TTLL11: variants seen among roughly 807,000 people sequenced by gnomAD.
The protein encoded by TTLL11 is tubulin tyrosine ligase like 11.
TTLL11 carries 42 observed loss-of-function variants against 51.7 expected under a neutral mutation model. The ratio of observed to expected loss-of-function variants is 0.81; its 90% CI spans 0.64 to 1.05. The LOEUF (loss-of-function observed/expected upper bound fraction) is 1.05, where lower values mean the gene tolerates loss of function less well. Ranked by LOEUF, TTLL11 falls within the 50% of genes least tolerant of loss-of-function variation. TTLL11 has a pLI of 0.00. For missense variants in TTLL11, 799 were observed against 940.4 expected (o/e 0.85, Z 1.97); for synonymous variants, 381 against 383.5 (o/e 0.99, Z 0.08).
intron 7 of TTLL11, among the ~76,000 whole-genome samples, chr9:121,867,259 T>A (rs1005601422): frequency 6.6e-6 from 1 of 152,210 alleles, no homozygotes; most frequent in Non-Finnish European, 1.5e-5. Context: ...AGATGTGTAT[T>A]GAGATTTTAC....
chr9:121,881,219 AAC>A, intron 6 of TTLL11, among the ~76,000 whole-genome samples: 1 of 152,254 alleles, frequency 6.6e-6, no homozygotes, highest in Admixed American at 6.5e-5. Context: ...GCCTATCTGC[AAC>A]ACAAAGCATT....
intron 6 of TTLL11, among the ~76,000 whole-genome samples, chr9:121,883,085 G>A (rs1378290328): frequency 6.6e-6 from 1 of 152,188 alleles, no homozygotes; most frequent in Non-Finnish European, 1.5e-5. Flanking sequence ...AAAATGGGCA[G>A]GGTGACCTTT....
In TTLL11 at chr9:122,035,031, A is replaced by T. The variant is rs150774668; in HGVS notation, c.560-3175T>A. Among the ~76,000 whole-genome samples, 6 of 152,370 alleles carry T rather than the reference A, an allele frequency of 3.9e-5. No individual in the cohort carries two copies. The East Asian group carries it at 1.2e-3, about 29-fold the overall frequency. On this transcript the variant is annotated intron_variant, in intron 2 of 8. Transcript: ENST00000321582. ...ATTTTTCCGGTGTTCTATTGCTTGT[A>T]TCCAAATGTTGGTGACCTTATCTTT...
intron 7 of TTLL11, among the ~76,000 whole-genome samples, chr9:121,870,156 G>A (rs902764823): frequency 6.6e-6 from 1 of 152,180 alleles, no homozygotes; most frequent in Admixed American, 6.5e-5. Context: ...ACACAGCCAT[G>A]CACCACTGGG....
chr9:121,874,905 T>C (rs888148506), intron 6 of TTLL11, among the ~76,000 whole-genome samples: 11 of 152,034 alleles, frequency 7.2e-5, no homozygotes, highest in Non-Finnish European at 1.3e-4. Context: ...TACAGGCGTG[T>C]GCCACTATGT....
At chr9:121,921,950 C>T (rs1471772577) in intron 6 of TTLL11, among the ~76,000 whole-genome samples, 1 of 152,214 alleles carries the variant, frequency 6.6e-6, no homozygotes, top group Non-Finnish European at 1.5e-5. Context: ...GGAAGCCTGA[C>T]ACAGTCACAG....
At chr9:122,001,748 C>A (rs530370425) in intron 3 of TTLL11, among the ~76,000 whole-genome samples, 7 of 152,094 alleles carry the variant, frequency 4.6e-5, no homozygotes, top group Non-Finnish European at 4.4e-5. Context: ...AAACACCCAC[C>A]CAGCCACTCA....
chr9:122,012,358 T>C lies in TTLL11; in HGVS notation c.693+19365A>G, dbSNP rs185968462. ...TTCCTTTGGGGAAGCAAGGTTTTCT[T>C]GACCTTTAAAATAGACTGTCCCAGA... On this transcript the variant is annotated intron_variant, in intron 3 of 8. Coordinates refer to ENST00000321582, the MANE Select transcript of TTLL11 (RefSeq NM_001139442.2). Among the ~76,000 whole-genome samples, 10 of 152,198 alleles carry C rather than the reference T, an allele frequency of 6.6e-5. No individual in the cohort carries two copies. The East Asian group carries it at 1.9e-3, about 29-fold the overall frequency.
rs1429561460 is a variant in TTLL11, at chr9:121,818,547, A to G, written c.*4040T>C. On this transcript the variant is annotated 3_prime_UTR_variant, in exon 9 of 9. Transcript: ENST00000321582. ...GGAACGCACAGCTGGGTGGGAACCAATGCTGTGGTCCCACAGTGCGCGCGA... is the reference window on the plus strand; with the variant it reads ...GGAACGCACAGCTGGGTGGGAACCAGTGCTGTGGTCCCACAGTGCGCGCGA... 2 of 152,282 alleles carry G rather than the reference A, an allele frequency of 1.3e-5. No homozygotes were observed. The highest frequency in any genetic ancestry group is 4.8e-5 in the African/African-American group (2 of 41,454). The allele number at this position is 152,282 out of a possible 1,614,324, so 9.4% of individuals were successfully genotyped here. A position where few individuals can be genotyped will look rare whatever the true frequency, so the allele number is the denominator to read the frequency against.
At chr9:122,089,995 T>G (rs1223505884) in intron 1 of TTLL11, among the ~76,000 whole-genome samples, 1 of 151,484 alleles carries the variant, frequency 6.6e-6, no homozygotes, top group East Asian at 1.9e-4. Context: ...TCTCCACCTA[T>G]ATGCCAATGT....
chr9:121,981,866 C>T (rs367922570), intron 4 of TTLL11, among the ~76,000 whole-genome samples: 16 of 152,238 alleles, frequency 1.1e-4, no homozygotes, highest in East Asian at 5.8e-4. Context: ...TCACTCTGTT[C>T]GGGGCTCAAA....
chr9:121,964,977 C>T (rs1287995061), intron 6 of TTLL11, among the ~76,000 whole-genome samples: 1 of 152,090 alleles, frequency 6.6e-6, no homozygotes, highest in Admixed American at 6.5e-5. Context: ...TACTGGCTGG[C>T]GATCTAATTC....
chr9:121,844,783 T>C (rs28636517), intron 8 of TTLL11, among the ~76,000 whole-genome samples: 19,780 of 151,696 alleles, frequency 0.13, 2,505 homozygotes, highest in African/African-American at 0.33. Context: ...ATCAGTGAGC[T>C]TGAAGATATG....
intron 8 of TTLL11, among the ~76,000 whole-genome samples, chr9:121,826,184 C>CCATATATATATATATATATATATA (rs1491277758): frequency 3.9e-5 from 2 of 51,134 alleles, no homozygotes; most frequent in African/African-American, 1.7e-4. Flanking sequence ...AACCAGTAAC[C>CCATATATATATATATATATATATA]TATATATATA....
intron 2 of TTLL11, among the ~76,000 whole-genome samples, chr9:122,033,262 A>C (rs1844606000): frequency 6.6e-6 from 1 of 151,964 alleles, no homozygotes. Context: ...ACAGGTGTGC[A>C]CCACCATGCC....
chr9:121,886,911 C>T (rs936354748), intron 6 of TTLL11, among the ~76,000 whole-genome samples: 1 of 152,208 alleles, frequency 6.6e-6, no homozygotes, highest in African/African-American at 2.4e-5. Flanking sequence ...AACTTCAGAA[C>T]CCACGAGCCA....
At chr9:121,863,497 AGTGTC>A (rs1221935703) in intron 7 of TTLL11, among the ~76,000 whole-genome samples, 2 of 152,194 alleles carry the variant, frequency 1.3e-5, no homozygotes, top group African/African-American at 4.8e-5. Flanking sequence ...AGAAAATAGA[AGTGTC>A]AAACCTTTAG....
At chr9:121,917,907 T>C (rs1320861651) in intron 6 of TTLL11, among the ~76,000 whole-genome samples, 1 of 152,202 alleles carries the variant, frequency 6.6e-6, no homozygotes, top group Admixed American at 6.5e-5. Context: ...GATTCCACTT[T>C]AGGCCATGAG....
intron 6 of TTLL11, among the ~76,000 whole-genome samples, chr9:121,935,544 A>C (rs1157885341): frequency 6.6e-6 from 1 of 152,220 alleles, no homozygotes; most frequent in Non-Finnish European, 1.5e-5. Flanking sequence ...AAGCCACTGA[A>C]GTGTTTTTAG....
Sources: gnomAD v4.1 joint callset for allele counts (sites outside exome capture counted in the v4.1 genomes callset) on GRCh38, gnomAD v4.1.1 for gene constraint, MANE v1.5 for transcripts, NCBI Gene and HGNC (gene_info 2026-07-23, HGNC 2026-07-21) for gene names.